GPR39: variants seen among roughly 807,000 people sequenced by gnomAD.
GPR39 encodes zinc sensing receptor.
In GPR39, 23 loss-of-function variants were observed where a neutral mutation model predicts 18.4. The observed-to-expected ratio is 1.25, with a 90% confidence interval of 0.90 to 1.77. The LOEUF is 1.77. Ranked by LOEUF, GPR39 falls within the 40% of genes most tolerant of loss-of-function variation. GPR39 has a pLI of 0.00. For synonymous variants in GPR39, 280 were observed against 257.9 expected (o/e 1.09, Z -0.82); for missense variants, 647 against 602.4 (o/e 1.07, Z -0.78).
intron 1 of GPR39, among the ~76,000 whole-genome samples, chr2:132,464,526 G>C (rs1381106472): frequency 6.6e-6 from 1 of 152,186 alleles, no homozygotes; most frequent in East Asian, 1.9e-4. Context: ...ATCCATGAGA[G>C]AAGCCCACAT....
chr2:132,535,146 C>G (rs1679729953), intron 1 of GPR39, among the ~76,000 whole-genome samples: 1 of 152,028 alleles, frequency 6.6e-6, no homozygotes, highest in African/African-American at 2.4e-5. Context: ...GCATCCTTGT[C>G]TTGTGCTGGT....
At chr2:132,490,208 G>A (rs1399549680) in intron 1 of GPR39, among the ~76,000 whole-genome samples, 1 of 151,922 alleles carries the variant, frequency 6.6e-6, no homozygotes, top group Non-Finnish European at 1.5e-5. Flanking sequence ...GCAGGATGCA[G>A]CCTATTAATG....
At chr2:132,437,643 A>G (rs1680349863) in intron 1 of GPR39, among the ~76,000 whole-genome samples, 1 of 152,124 alleles carries the variant, frequency 6.6e-6, no homozygotes, top group African/African-American at 2.4e-5. Flanking sequence ...TTCAGCTCTG[A>G]GTTAACCCCA....
Position 132,492,730 on chromosome 2 carries a change from T to TA in GPR39, c.856+74833dup, listed in dbSNP as rs777142377. On this transcript the variant is annotated intron_variant, in intron 1 of 1. Transcript: ENST00000329321. Reference sequence around the variant, plus strand: ...ATATATACACACCATATATATACCATATATATATACACACCATGTATATAC... The same window carrying TA: ...ATATATACACACCATATATATACCATAATATATATACACACCATGTATATAC... 7.1e-3 allele frequency among the ~76,000 whole-genome samples: 722 copies of TA among 101,766 alleles called. 5 individuals are homozygous for TA. The highest frequency in any genetic ancestry group is 0.013 in the Non-Finnish European group (557 of 42,912). The allele number at this position is 101,766 out of a possible 152,430, so 66.8% of individuals were successfully genotyped here.
intron 1 of GPR39, among the ~76,000 whole-genome samples, chr2:132,636,235 A>C (rs4547577): frequency 0.52 from 79,267 of 151,978 alleles, 21,322 homozygotes; most frequent in African/African-American, 0.63. Context: ...CTCTTCTGGG[A>C]CGGTTCAGCT....
At chr2:132,465,078 A>G (rs1680903172) in intron 1 of GPR39, among the ~76,000 whole-genome samples, 1 of 152,220 alleles carries the variant, frequency 6.6e-6, no homozygotes, top group Non-Finnish European at 1.5e-5. Flanking sequence ...GACATAATTC[A>G]TTTAATTAGT....
chr2:132,444,836 T>A (rs13414842), intron 1 of GPR39, among the ~76,000 whole-genome samples: 77,200 of 152,010 alleles, frequency 0.51, 21,240 homozygotes, highest in Non-Finnish European at 0.62. Flanking sequence ...CTTCAAGGTT[T>A]GAAAAAGCTG....
chr2:132,420,630 G>C (rs754562413), intron 1 of GPR39, among the ~76,000 whole-genome samples: 4 of 152,056 alleles, frequency 2.6e-5, no homozygotes, highest in Non-Finnish European at 5.9e-5. Flanking sequence ...CATATCACAA[G>C]TAGTTCTTGG....
At chr2:132,452,992 A>G (rs1680657424) in intron 1 of GPR39, among the ~76,000 whole-genome samples, 1 of 152,158 alleles carries the variant, frequency 6.6e-6, no homozygotes, top group African/African-American at 2.4e-5. Flanking sequence ...TTGGGCTTAT[A>G]CCCAGTAATG....
At chr2:132,496,316 A>G (rs1231171730) in intron 1 of GPR39, among the ~76,000 whole-genome samples, 1 of 152,160 alleles carries the variant, frequency 6.6e-6, no homozygotes, top group Non-Finnish European at 1.5e-5. Context: ...AGTATCATAA[A>G]TTTCCTATAT....
intron 1 of GPR39, among the ~76,000 whole-genome samples, chr2:132,507,959 C>A (rs1402530089): frequency 6.6e-6 from 1 of 152,148 alleles, no homozygotes; most frequent in African/African-American, 2.4e-5. Context: ...ATTGTGATTT[C>A]ATTATGTAGG....
intron 1 of GPR39, among the ~76,000 whole-genome samples, chr2:132,493,042 CCATATAT>C (rs1573629702): frequency 8.3e-6 from 1 of 119,794 alleles, no homozygotes; most frequent in East Asian, 2.5e-4. Context: ...CATATATATA[CCATATAT>C]ACCATATATA....
intron 1 of GPR39, among the ~76,000 whole-genome samples, chr2:132,508,386 G>C (rs540182672): frequency 6.6e-6 from 1 of 152,186 alleles, no homozygotes; most frequent in South Asian, 2.1e-4. Context: ...CCACAGTAAG[G>C]CTCCTGAAGG....
chr2:132,593,126 C>T (rs1680875500), intron 1 of GPR39, among the ~76,000 whole-genome samples: 1 of 152,158 alleles, frequency 6.6e-6, no homozygotes, highest in South Asian at 2.1e-4. Context: ...GCAAAGCTTC[C>T]ATCCTTAGGG....
chr2:132,549,882 A>C (rs775975458), intron 1 of GPR39, among the ~76,000 whole-genome samples: 1 of 152,182 alleles, frequency 6.6e-6, no homozygotes, highest in East Asian at 1.9e-4. Context: ...TTGTTAACCT[A>C]TGTTGATGCC....
At chr2:132,454,305 T>A (rs1469133945) in intron 1 of GPR39, among the ~76,000 whole-genome samples, 5 of 152,228 alleles carry the variant, frequency 3.3e-5, no homozygotes, top group South Asian at 4.1e-4. Context: ...TGTATAGGAA[T>A]GCTTGTGATT....
chr2:132,530,765 T>C (rs1317253598), intron 1 of GPR39, among the ~76,000 whole-genome samples: 1 of 152,084 alleles, frequency 6.6e-6, no homozygotes, highest in African/African-American at 2.4e-5. Flanking sequence ...GCTTCATAAG[T>C]GAAGGAGAAA....
intron 1 of GPR39, among the ~76,000 whole-genome samples, chr2:132,506,822 T>A (rs1216380449): frequency 6.6e-6 from 1 of 151,970 alleles, no homozygotes; most frequent in African/African-American, 2.4e-5. Flanking sequence ...CCAAACCATA[T>A]CAGCCCTAAA....
At chr2:132,501,955 G>A (rs1343711131) in intron 1 of GPR39, among the ~76,000 whole-genome samples, 1 of 152,048 alleles carries the variant, frequency 6.6e-6, no homozygotes, top group African/African-American at 2.4e-5. Context: ...TTTACCTTAA[G>A]TTGATGTGAG....
Sources: allele counts gnomAD v4.1 joint callset (sites outside exome capture counted in the v4.1 genomes callset), GRCh38; gene constraint gnomAD v4.1.1; transcripts MANE v1.5; gene names NCBI Gene and HGNC (gene_info 2026-07-23, HGNC 2026-07-21).